MPRIP: variants seen among roughly 807,000 people sequenced by gnomAD.
MPRIP encodes the protein myosin phosphatase Rho interacting protein.
Under a neutral mutation model 234.9 loss-of-function variants are expected in MPRIP, and 59 were observed. That is an observed-to-expected ratio of 0.25 (90% confidence interval 0.20 to 0.31). The LOEUF is 0.31. MPRIP is among the 10% of genes least tolerant of loss of function. The pLI is 1.00. For synonymous variants in MPRIP, 1,144 were observed against 1,263.9 expected (o/e 0.91, Z 2.01); for missense variants, 2,436 against 3,071.0 (o/e 0.79, Z 4.89).
chr17:17,134,620 C>T (rs1158128264), intron 5 of MPRIP, among the ~76,000 whole-genome samples: 3 of 152,198 alleles, frequency 2.0e-5, no homozygotes, highest in African/African-American at 7.2e-5. Context: ...TTATCCTGTC[C>T]GTGAGGCCTG....
At chr17:17,159,270 G>T (rs2045809762) in intron 14 of MPRIP, among the ~76,000 whole-genome samples, 2 of 152,260 alleles carry the variant, frequency 1.3e-5, no homozygotes, top group African/African-American at 4.8e-5. Context: ...GCCATTGAGA[G>T]GCAAGCGGCG....
intron 2 of MPRIP, chr17:17,076,928 G>A (rs888004460): frequency 2.8e-5 from 4 of 145,284 alleles, no homozygotes; most frequent in Admixed American, 7.1e-5. Flanking sequence ...GTATTGTTGG[G>A]CTCTTTGCTT....
rs1597550556 is a variant in MPRIP at position 17,191,110 on chromosome 17, A to C, written c.*6216A>C. ...TTTGGTCATCTAACAGATGGTTTTA[A>C]AGTGTACAATATCCAAAATAACGAT... is the stretch of plus-strand genomic sequence containing the variant. On this transcript the variant is annotated 3_prime_UTR_variant, in exon 24 of 24. Coordinates refer to ENST00000651222, the MANE Select transcript of MPRIP (RefSeq NM_001364716.4). The C allele has an allele frequency of 6.6e-6, 1 of 152,230 alleles. No individual in the cohort carries two copies. The highest frequency in any genetic ancestry group is 1.5e-5 in the Non-Finnish European group (1 of 68,048). 9.4% of individuals were successfully genotyped at this position (152,230 alleles called of 1,614,324 possible).
At position 17,078,125 on chromosome 17, in the gene MPRIP, C is replaced by T; in HGVS notation, c.267+49C>T. The T allele has an allele frequency of 1.3e-6, 2 of 1,593,008 alleles. No homozygotes were observed. The highest frequency in any genetic ancestry group is 1.7e-6 in the Non-Finnish European group (2 of 1,161,340). ...CCTGTCCCCAGCCTTCACCAAGTCC[C>T]TCCATTACAGTGCCCTTGCGTTGTC... On this transcript the variant is annotated intron_variant, in intron 3 of 23. Transcript: ENST00000651222. This position sits in a 1 kb window ranked among gnomAD's most constrained non-coding sequence, Gnocchi z 4.3.
chr17:17,082,660 G>T (rs182015525), intron 3 of MPRIP, among the ~76,000 whole-genome samples: 1 of 152,262 alleles, frequency 6.6e-6, no homozygotes, highest in Non-Finnish European at 1.5e-5. Context: ...TTTTAAGTGT[G>T]CAGTTCAGTG....
At position 17,154,426 on chromosome 17, in the gene MPRIP, G is replaced by A. The variant is rs1363220428; in HGVS notation, c.1829+11G>A. 1.9e-6 allele frequency: 3 copies of A among 1,612,396 alleles called. No homozygotes were observed. The highest frequency in any genetic ancestry group is 1.3e-5 in the African/African-American group (1 of 75,018). ...CCCGGATGTGACCAGGTAGGATGGT[G>A]AAGACACCAGGGAGCCCTTTGTGCC... On this transcript the variant is annotated intron_variant, in intron 13 of 23. Transcript: ENST00000651222.
chr17:17,062,910 GCTGT>G (rs1344780385), intron 1 of MPRIP, among the ~76,000 whole-genome samples: 1 of 152,226 alleles, frequency 6.6e-6, no homozygotes, highest in Non-Finnish European at 1.5e-5. Flanking sequence ...GCCGTGTGCT[GCTGT>G]CTGAGTGCCA....
At position 17,168,076 on chromosome 17, in the gene MPRIP, G is replaced by A. The variant is rs143009983; in HGVS notation, c.6324+161G>A. 7.2e-4 allele frequency: 380 copies of A among 527,458 alleles called. 3 individuals carry two copies. The highest frequency in any genetic ancestry group is 7.2e-3 in the African/African-American group (358 of 49,774). The allele number at this position is 527,458 out of a possible 1,614,324, so 32.7% of individuals were successfully genotyped here. ...GGTCTCAGCAGGGCCTGGGCCGCAG[G>A]CTTAGCCTCTTGTTCGGCATCCCCC... On this transcript the variant is annotated intron_variant, in intron 16 of 23. Transcript: ENST00000651222.
rs934331832 is a variant in MPRIP, at chr17:17,092,022, G to C, written c.267+13946G>C. ...ATGGCGACCCACACTAGAGGAGGGT[G>C]CTGGAGCCCAGCGTCAGGCCAGGGC... is the stretch of plus-strand genomic sequence containing the variant. On this transcript the variant is annotated intron_variant, in intron 3 of 23. Transcript: ENST00000651222. Among the ~76,000 whole-genome samples, 7 of 152,260 alleles carry C rather than the reference G, an allele frequency of 4.6e-5. No individual in the cohort carries two copies. In the South Asian group the frequency reaches 1.4e-3, roughly 31 times the overall value.
At chr17:17,180,695 A>C (rs559202479) in intron 23 of MPRIP, 3 of 1,598,592 alleles carry the variant, frequency 1.9e-6, no homozygotes, top group Non-Finnish European at 2.6e-6. Context: ...CACCGCCTGC[A>C]TGCACTGCTC....
At chr17:17,132,450 C>T (rs1426668775) in intron 5 of MPRIP, among the ~76,000 whole-genome samples, 1 of 152,184 alleles carries the variant, frequency 6.6e-6, no homozygotes, top group Non-Finnish European at 1.5e-5. Context: ...AATTCCTTTC[C>T]CTCTGTACCA....
chr17:17,181,115 A>G (rs1303503664), intron 23 of MPRIP, among the ~76,000 whole-genome samples: 2 of 152,238 alleles, frequency 1.3e-5, no homozygotes, highest in Non-Finnish European at 2.9e-5. Context: ...AGGAATGGAT[A>G]AACCAGGACT....
chr17:17,077,645 CAAAT>C (rs2089364357), intron 2 of MPRIP: 4 of 186,534 alleles, frequency 2.1e-5, no homozygotes, highest in Non-Finnish European at 4.5e-5. Flanking sequence ...GATCATTCAT[CAAAT>C]AAATATTGAC....
intron 1 of MPRIP, among the ~76,000 whole-genome samples, chr17:17,059,419 G>A (rs1253694644): frequency 6.6e-6 from 1 of 152,220 alleles, no homozygotes; most frequent in Admixed American, 6.5e-5. Context: ...ACCACTGGTC[G>A]AGCTTAAGTT....
At chr17:17,103,913 T>C (rs1377498750) in intron 3 of MPRIP, among the ~76,000 whole-genome samples, 5 of 152,150 alleles carry the variant, frequency 3.3e-5, no homozygotes, top group Non-Finnish European at 5.9e-5. Flanking sequence ...CAGTGAGATA[T>C]CTCCTAGGAT....
At chr17:17,154,222 C>T in intron 12 of MPRIP, 84 bp from the exon 13 acceptor site, 2 of 1,164,806 alleles carry the variant, frequency 1.7e-6, no homozygotes, top group Non-Finnish European at 2.5e-6. Context: ...GGACTTTACC[C>T]AGTGCAGGGA....
At chr17:17,077,941 A>G in intron 2 of MPRIP, 70 bp from the exon 3 acceptor site, 1 of 1,487,642 alleles carries the variant, frequency 6.7e-7, no homozygotes, top group Non-Finnish European at 9.4e-7. Context: ...CAGACGTGGG[A>G]ACTCCAGAAG....
At chr17:17,177,123 G>T (rs1012970413) in intron 21 of MPRIP, 127 bp from the exon 22 acceptor site, 2 of 956,486 alleles carry the variant, frequency 2.1e-6, no homozygotes, top group Admixed American at 2.0e-5. Context: ...AGACAGAGGT[G>T]AACAAGCCTC....
chr17:17,101,958 G>A (rs894951633), intron 3 of MPRIP, among the ~76,000 whole-genome samples: 53 of 152,332 alleles, frequency 3.5e-4, no homozygotes, highest in African/African-American at 1.0e-3. Context: ...GTCACCCGCA[G>A]GGAGCTGGGG....
Sources: allele counts gnomAD v4.1 joint callset (sites outside exome capture counted in the v4.1 genomes callset), GRCh38; gene constraint gnomAD v4.1.1; non-coding constraint Gnocchi (gnomAD v3.1); transcripts MANE v1.5; gene names NCBI Gene and HGNC (gene_info 2026-07-23, HGNC 2026-07-21).